HIP1: variants seen among roughly 807,000 people sequenced by gnomAD.
HIP1 encodes the protein huntingtin-interacting protein 1.
In HIP1, 65 loss-of-function variants were observed where a neutral mutation model predicts 147.6. The observed-to-expected ratio is 0.44, with a 90% CI of 0.36 to 0.54. The LOEUF (loss-of-function observed/expected upper bound fraction) is 0.54, where lower values mean the gene tolerates loss of function less well. Ranked by LOEUF, HIP1 falls within the 20% of genes least tolerant of loss-of-function variation. The pLI, the probability that HIP1 is intolerant of heterozygous loss-of-function variation, is 0.00. For missense variants in HIP1, 1,061 were observed against 1,299.6 expected, an observed-to-expected ratio of 0.82 and a Z score of 2.82; for synonymous variants, 479 against 504.0, an observed-to-expected ratio of 0.95 and a Z score of 0.67.
chr7:75,650,154 C>T (rs911628827), intron 1 of HIP1, among the ~76,000 whole-genome samples: 1 of 152,152 alleles, frequency 6.6e-6, no homozygotes, highest in African/African-American at 2.4e-5. Context: ...ATTTCTAAAG[C>T]CTCTCCAGGC....
chr7:75,593,039 G>C (rs1269427955), intron 2 of HIP1, among the ~76,000 whole-genome samples: 3 of 152,134 alleles, frequency 2.0e-5, no homozygotes, highest in African/African-American at 7.2e-5. Context: ...TGTGATCATA[G>C]CTCACTGTAA....
At position 75,693,919 on chromosome 7, in the gene HIP1, C is replaced by CTTTTTTTTTTT. The variant is rs10628011; in HGVS notation, c.120+44871_120+44881dup. 5.7e-4 allele frequency among the ~76,000 whole-genome samples: 65 copies of CTTTTTTTTTTT among 114,802 alleles called. 1 individual carries two copies. The highest frequency in any genetic ancestry group is 9.7e-4 in the Admixed American group (9 of 9,268). The allele number at this position is 114,802 out of a possible 152,430, so 75.3% of individuals were successfully genotyped here. A position where few individuals can be genotyped will look rare whatever the true frequency, so the allele number is the denominator to read the frequency against. ...GTTCAGAACTATCCAATTCTCTTTT[C>CTTTTTTTTTTT]TTTTTTTTTTTTTTTTTTGAGATGG... is the stretch of plus-strand genomic sequence containing the variant. On this transcript the variant is annotated intron_variant, in intron 1 of 30. Transcript: ENST00000336926.
chr7:75,656,909 C>A lies in HIP1; in HGVS notation c.121-57662G>T, dbSNP rs544663308. On this transcript the variant is annotated intron_variant, in intron 1 of 30. Coordinates refer to ENST00000336926, the MANE Select transcript of HIP1 (RefSeq NM_005338.7). ...ATTTCAAATATACACATAGTCTGAC[C>A]CCCTGGGAATCTATCCTAGAGGAAT... Among the ~76,000 whole-genome samples the A allele has an allele frequency of 6.4e-4, 98 of 152,230 alleles. 1 individual carries two copies. The South Asian group carries it at 8.5e-3, about 13-fold the overall frequency.
At chr7:75,731,498 A>AAAAAT (rs1801838010) in intron 1 of HIP1, among the ~76,000 whole-genome samples, 1 of 145,070 alleles carries the variant, frequency 6.9e-6, no homozygotes, top group African/African-American at 2.5e-5. Flanking sequence ...AAAAAAAAAA[A>AAAAAT]ACGCCAGCTC....
Position 75,541,957 on chromosome 7 carries a change from T to A in HIP1, c.2914A>T (p.Thr972Ser). 6.2e-7 allele frequency: 1 copy of A among 1,614,012 alleles called. No homozygotes were observed. Among genetic ancestry groups the A allele is most frequent in the Non-Finnish European group, 8.5e-7 (1 of 1,179,868 alleles). Residue 972 changes from threonine to serine, a missense_variant, in exon 29 of 31, where the codon ACG becomes TCG. Physicochemically the swap from Thr to Ser is moderately conservative, Grantham distance 58. Transcript: ENST00000336926. ...TCTTGGCGTTTGATCTGTGTCAGCGTCATGCTTGAGAAGTCCATGTTGTCT... is the reference window on the plus strand; with the variant it reads ...TCTTGGCGTTTGATCTGTGTCAGCGACATGCTTGAGAAGTCCATGTTGTCT... ...ETDNMDFSSM[T>S]LTQIKRQEMD...
chr7:75,708,052 T>A (rs1801054972), intron 1 of HIP1, among the ~76,000 whole-genome samples: 1 of 149,260 alleles, frequency 6.7e-6, no homozygotes, highest in Non-Finnish European at 1.5e-5. Context: ...AAGGACTTCA[T>A]GTCCAAAACA....
At chr7:75,709,660 G>T (rs1801108224) in intron 1 of HIP1, among the ~76,000 whole-genome samples, 1 of 152,006 alleles carries the variant, frequency 6.6e-6, no homozygotes, top group Non-Finnish European at 1.5e-5. Context: ...TTCCAATTTG[G>T]ATGCCTTTTA....
chr7:75,570,371 A>G (rs1438468389), intron 8 of HIP1, among the ~76,000 whole-genome samples: 1 of 148,142 alleles, frequency 6.8e-6, no homozygotes, highest in Non-Finnish European at 1.5e-5. Flanking sequence ...GGCTCACTGC[A>G]AGCTCCACCT....
chr7:75,624,051 G>A (rs901772369), intron 1 of HIP1, among the ~76,000 whole-genome samples: 3 of 152,098 alleles, frequency 2.0e-5, no homozygotes, highest in Admixed American at 6.5e-5. Context: ...ACTGCACTCC[G>A]GCCTGGGAGA....
intron 6 of HIP1, among the ~76,000 whole-genome samples, chr7:75,581,556 A>G (rs1796048526): frequency 6.6e-6 from 1 of 152,204 alleles, no homozygotes; most frequent in Admixed American, 6.5e-5. Context: ...AGGTGGGCGG[A>G]TCACCTGAGG....
rs1223585767 is a variant in HIP1, at chr7:75,541,710, A to T, written c.2952+209T>A. Among the ~76,000 whole-genome samples, 4 of 120,206 alleles carry T rather than the reference A, an allele frequency of 3.3e-5. No individual in the cohort carries two copies. In the South Asian group the frequency reaches 8.6e-4, roughly 26 times the overall value. 78.9% of individuals were successfully genotyped at this position (120,206 alleles called of 152,430 possible). A position where few individuals can be genotyped will look rare whatever the true frequency, so the allele number is the denominator to read the frequency against. The stretch of plus-strand genomic sequence containing the variant: ...GACTCCGTCTCAAAAAAGAAAAAAA[A>T]CAAAACAAGACAAACAAAAAAAAAA... On this transcript the variant is annotated intron_variant, in intron 29 of 30. Coordinates refer to ENST00000336926, the MANE Select transcript of HIP1 (RefSeq NM_005338.7).
chr7:75,581,362 TC>T, intron 6 of HIP1, 64 bp from the exon 7 acceptor site: 2 of 1,179,768 alleles, frequency 1.7e-6, no homozygotes, highest in Non-Finnish European at 2.5e-6. Flanking sequence ...ACCTGTCCCC[TC>T]CCCCACGCTC....
intron 1 of HIP1, among the ~76,000 whole-genome samples, chr7:75,698,310 A>G (rs1554518934): frequency 1.3e-5 from 2 of 152,126 alleles, no homozygotes; most frequent in African/African-American, 4.8e-5. Context: ...TCTTGCAACA[A>G]GTTTAGTAGG....
rs587674884 is a variant in HIP1 at position 75,567,039 on chromosome 7, G to A, written c.803+1160C>T. On this transcript the variant is annotated intron_variant, in intron 9 of 30. Transcript: ENST00000336926. ...AGGCAGGAGAATCACTGGAGATGGG[G>A]AGGCTGAGGTTGCAGTAAGCCAAGA... is the stretch of plus-strand genomic sequence containing the variant. 2.6e-5 allele frequency among the ~76,000 whole-genome samples: 4 copies of A among 151,348 alleles called. No homozygotes were observed. The South Asian group carries it at 8.3e-4, about 31-fold the overall frequency.
At chr7:75,659,134 T>G (rs2097793) in intron 1 of HIP1, among the ~76,000 whole-genome samples, 81,976 of 151,990 alleles carry the variant, frequency 0.54, 23,232 homozygotes, top group African/African-American at 0.71. Context: ...GGTTGAAAGC[T>G]TTATGGCAAA....
At chr7:75,554,259 G>A (rs1339507149) in intron 20 of HIP1, 39 bp from the exon 21 acceptor site, 1 of 1,540,610 alleles carries the variant, frequency 6.5e-7, no homozygotes, top group Non-Finnish European at 9.0e-7. Context: ...AGGTCTGGTT[G>A]ATGGTGACAC....
intron 18 of HIP1, 34 bp downstream of exon 18, chr7:75,555,992 C>A: frequency 6.2e-7 from 1 of 1,610,172 alleles, no homozygotes; most frequent in Non-Finnish European, 8.5e-7. Context: ...TGGGAATTCA[C>A]AGGTGCTCGC....
At chr7:75,721,839 C>G (rs1327605717) in intron 1 of HIP1, among the ~76,000 whole-genome samples, 2 of 152,166 alleles carry the variant, frequency 1.3e-5, no homozygotes, top group Admixed American at 1.3e-4. Context: ...CACTGTTAAC[C>G]AGGAGAGAGG....
At chr7:75,552,497 G>A (rs1224534882) in intron 22 of HIP1, among the ~76,000 whole-genome samples, 3 of 150,196 alleles carry the variant, frequency 2.0e-5, no homozygotes, top group Non-Finnish European at 2.9e-5. Context: ...CTACAGGTGC[G>A]TGACATCACA....
Sources: allele counts gnomAD v4.1 joint callset (sites outside exome capture counted in the v4.1 genomes callset), GRCh38; gene constraint gnomAD v4.1.1; transcripts MANE v1.5; gene names NCBI Gene and HGNC (gene_info 2026-07-23, HGNC 2026-07-21).